Variants in CNEP1R1 observed in about 807,000 individuals in gnomAD.
CNEP1R1 encodes CTD nuclear envelope phosphatase 1 regulatory subunit 1.
Under a neutral mutation model 22.7 loss-of-function variants are expected in CNEP1R1, and 10 were observed. The observed-to-expected ratio is 0.44, with a 90% CI of 0.27 to 0.75. CNEP1R1 has a LOEUF of 0.75. Ranked by LOEUF, CNEP1R1 falls within the 30% of genes least tolerant of loss-of-function variation. The pLI is 0.17. For missense variants in CNEP1R1, 73 were observed against 151.5 expected (o/e 0.48, Z 2.72); for synonymous variants, 53 against 50.1 (o/e 1.06, Z -0.25).
Position 50,035,993 on chromosome 16 carries a change from C to G in CNEP1R1, c.*535C>G, listed in dbSNP as rs2144285915. 1 of 152,706 alleles carries G rather than the reference C, an allele frequency of 6.5e-6. No homozygotes were observed. Among genetic ancestry groups the G allele is most frequent in the Middle Eastern group, 3.4e-3 (1 of 294 alleles). The allele number at this position is 152,706 out of a possible 1,614,324, so 9.5% of individuals were successfully genotyped here. ...TTCAGCTTAGACTGAGGAAAACTCT[C>G]CATTATGTTGTAAGAAATTATAGAT... On this transcript the variant is annotated 3_prime_UTR_variant, in exon 6 of 6. Transcript: ENST00000427478.
At chr16:50,033,005 CAAAA>C (rs796983172) in intron 3 of CNEP1R1, among the ~76,000 whole-genome samples, 4 of 103,650 alleles carry the variant, frequency 3.9e-5, no homozygotes, top group Admixed American at 1.0e-4. Context: ...AACTCTGTCT[CAAAA>C]AAAAAAAAAA....
chr16:50,035,753 A>C lies in CNEP1R1; in HGVS notation c.*295A>C, dbSNP rs950314487. 1 of 288,308 alleles carries C rather than the reference A, an allele frequency of 3.5e-6. No homozygotes were observed. The highest frequency in any genetic ancestry group is 2.2e-5 in the African/African-American group (1 of 45,886). The allele number at this position is 288,308 out of a possible 1,614,324, so 17.9% of individuals were successfully genotyped here. A position where few individuals can be genotyped will look rare whatever the true frequency, so the allele number is the denominator to read the frequency against. On this transcript the variant is annotated 3_prime_UTR_variant, in exon 6 of 6. Coordinates refer to ENST00000427478, the MANE Select transcript of CNEP1R1 (RefSeq NM_001281789.2). ...TTACTAAGTTAAACTTAGAAACAGA[A>C]CCTCATTCAGTTTTTATAATGTATT...
intron 3 of CNEP1R1, among the ~76,000 whole-genome samples, chr16:50,033,150 T>C (rs952339295): frequency 6.6e-6 from 1 of 152,202 alleles, no homozygotes; most frequent in African/African-American, 2.4e-5. Context: ...AATGAATTTG[T>C]AATAGTTCAA....
rs755839454 is a variant in CNEP1R1, at chr16:50,034,090, A to G, written c.282-12A>G. On this transcript the variant is annotated splice_polypyrimidine_tract_variant and intron_variant, in intron 4 of 5. Coordinates refer to ENST00000427478, the MANE Select transcript of CNEP1R1 (RefSeq NM_001281789.2). ...TGAAATGAGAAATTTTCCTTTGACC[A>G]CATGTATTCAGTATAGCTGCTCGAT... 14 of 1,585,252 alleles carry G rather than the reference A, an allele frequency of 8.8e-6. No individual in the cohort carries two copies. The highest frequency in any genetic ancestry group is 1.2e-5 in the Non-Finnish European group (14 of 1,163,422).
chr16:50,029,551 AAG>A (rs1183645612), intron 2 of CNEP1R1, among the ~76,000 whole-genome samples, 172 bp from the exon 3 acceptor site: 1 of 152,240 alleles, frequency 6.6e-6, no homozygotes, highest in Non-Finnish European at 1.5e-5. Flanking sequence ...CACAATGTTT[AAG>A]AGAATTCCTC....
At chr16:50,025,923 A>T in intron 1 of CNEP1R1, 1 of 552,916 alleles carries the variant, frequency 1.8e-6, no homozygotes, top group South Asian at 2.5e-5. Flanking sequence ...CAGACGGCGT[A>T]GCCATTAATT....
At chr16:50,026,078 C>T (rs1192579978) in intron 1 of CNEP1R1, 3 of 416,776 alleles carry the variant, frequency 7.2e-6, no homozygotes, top group East Asian at 3.6e-5. Flanking sequence ...TTATTTGCAA[C>T]CCTGAAAATG....
At chr16:50,030,409 G>A (rs11863991) in intron 3 of CNEP1R1, among the ~76,000 whole-genome samples, 132,330 of 152,188 alleles carry the variant, frequency 0.87, 57,600 homozygotes, top group East Asian at 0.9. Context: ...ACTCCAGCCT[G>A]TGTGACAGAG....
intron 2 of CNEP1R1, 130 bp downstream of exon 2, chr16:50,026,597 A>C (rs374230724): frequency 1.2e-5 from 8 of 690,952 alleles, no homozygotes; most frequent in East Asian, 1.1e-4. Flanking sequence ...CCTTATGAAG[A>C]AATTTTTAAG....
intron 2 of CNEP1R1, among the ~76,000 whole-genome samples, chr16:50,027,456 C>T (rs941004787): frequency 2.7e-5 from 4 of 147,634 alleles, no homozygotes; most frequent in South Asian, 2.1e-4. Context: ...TGCAGTGAGC[C>T]GAGATTGCAC....
At chr16:50,029,635 C>T in intron 2 of CNEP1R1, 90 bp from the exon 3 acceptor site, 1 of 740,284 alleles carries the variant, frequency 1.4e-6, no homozygotes, top group Non-Finnish European at 2.3e-6. Flanking sequence ...GTGCTATATT[C>T]TTTGGTTGTC....
chr16:50,030,113 A>T (rs1431836885), intron 3 of CNEP1R1, among the ~76,000 whole-genome samples: 1 of 152,022 alleles, frequency 6.6e-6, no homozygotes, highest in African/African-American at 2.4e-5. Context: ...TGTGAGTATT[A>T]TCTTCATTCT....
chr16:50,027,596 G>A (rs1567410158), intron 2 of CNEP1R1, among the ~76,000 whole-genome samples: 2 of 151,680 alleles, frequency 1.3e-5, no homozygotes, highest in African/African-American at 2.4e-5. Flanking sequence ...CCAGGAGGTC[G>A]AGGCTGTAGT....
Position 50,025,275 on chromosome 16 carries a change from T to A in CNEP1R1, c.-41T>A, listed in dbSNP as rs1289719335. 19 of 1,391,464 alleles carry A rather than the reference T, an allele frequency of 1.4e-5. No homozygotes were observed. The highest frequency in any genetic ancestry group is 2.5e-4 in the Middle Eastern group (1 of 4,026). The allele number at this position is 1,391,464 out of a possible 1,614,324, so 86.2% of individuals were successfully genotyped here. On this transcript the variant is annotated 5_prime_UTR_variant, in exon 1 of 6. It removes an upstream start codon present in the reference 5' UTR. Coordinates refer to ENST00000427478, the MANE Select transcript of CNEP1R1 (RefSeq NM_001281789.2). ...CGGGCGGGGGCCGCGGAAGCTGCGA[T>A]GCGGACAGGGCAGCGGCGGTGACCC...
chr16:50,028,884 A>G (rs1159793733), intron 2 of CNEP1R1, among the ~76,000 whole-genome samples: 1 of 151,992 alleles, frequency 6.6e-6, no homozygotes, highest in African/African-American at 2.4e-5. Flanking sequence ...TTTTTTCTTT[A>G]GTTTACGTCT....
intron 5 of CNEP1R1, 90 bp from the exon 6 acceptor site, chr16:50,035,327 C>A (rs2036266317): frequency 2.7e-6 from 2 of 742,526 alleles, no homozygotes; most frequent in South Asian, 1.6e-5. Flanking sequence ...GTTCTTATTC[C>A]TTGCACATAC....
chr16:50,033,308 A>G lies in CNEP1R1; in HGVS notation c.172-89A>G, dbSNP rs779137650. The stretch of plus-strand genomic sequence containing the variant: ...CCTCATGGTTTATATGATAAAAAAT[A>G]TTATATATATTTATGTACAAGTGGG... On this transcript the variant is annotated intron_variant, in intron 3 of 5. Coordinates refer to ENST00000427478, the MANE Select transcript of CNEP1R1 (RefSeq NM_001281789.2). 4.3e-4 allele frequency: 230 copies of G among 536,788 alleles called. 1 individual carries two copies. Among genetic ancestry groups the G allele is most frequent in the Admixed American group, 6.8e-4 (20 of 29,208 alleles). 33.3% of individuals were successfully genotyped at this position (536,788 alleles called of 1,614,324 possible). A position where few individuals can be genotyped will look rare whatever the true frequency, so the allele number is the denominator to read the frequency against.
intron 3 of CNEP1R1, among the ~76,000 whole-genome samples, chr16:50,032,697 A>G (rs968161461): frequency 6.6e-6 from 1 of 152,148 alleles, no homozygotes; most frequent in Non-Finnish European, 1.5e-5. Flanking sequence ...CAACTCTTTT[A>G]AGGAAGCTTT....
intron 5 of CNEP1R1, chr16:50,034,365 G>A (rs537860239): frequency 3.8e-6 from 2 of 525,484 alleles, no homozygotes; most frequent in Admixed American, 3.3e-5. Flanking sequence ...TGACAAATTG[G>A]GAGAGTTGAC....
Sources: gnomAD v4.1 joint callset for allele counts (sites outside exome capture counted in the v4.1 genomes callset) on GRCh38, gnomAD v4.1.1 for gene constraint, MANE v1.5 for transcripts, NCBI Gene and HGNC (gene_info 2026-07-23, HGNC 2026-07-21) for gene names.